Variants in SMARCA2 observed in about 807,000 individuals in gnomAD.
SMARCA2 encodes the protein SWI/SNF-related matrix-associated actin-dependent regulator of chromatin subfamily A member 2.
A neutral mutation model predicts 199.8 loss-of-function variants in SMARCA2; 61 were observed. The observed-to-expected ratio is 0.31, with a 90% confidence interval of 0.25 to 0.38. The LOEUF is 0.38. SMARCA2 is among the 10% of genes least tolerant of loss of function. SMARCA2 has a pLI of 1.00. For missense variants in SMARCA2, 1,344 were observed against 2,012.2 expected (o/e 0.67, Z 6.35); for synonymous variants, 935 against 732.0 (o/e 1.28, Z -4.48).
At position 2,081,954 on chromosome 9, in the gene SMARCA2, C is replaced by G. The variant is rs778629078; in HGVS notation, c.2307C>G (p.His769Gln). 6.2e-7 allele frequency: 1 copy of G among 1,613,874 alleles called. No individual in the cohort carries two copies. Among genetic ancestry groups the G allele is most frequent in the South Asian group, 1.1e-5 (1 of 91,048 alleles). Residue 769 changes from histidine to glutamine, a missense_variant, in exon 15 of 34, where the codon CAC becomes CAG. This residue lies in a region of SMARCA2 where 50 missense variants were observed against 81.6 expected (regional missense o/e 0.61). Coordinates refer to ENST00000349721, the MANE Select transcript of SMARCA2 (RefSeq NM_003070.5). ...TIALITYLME[H>Q]KRLNGPYLII... is the part of the protein sequence containing the mutation. Reference sequence around the variant, plus strand: ...CACTCATCACTTATCTGATGGAGCACAAAAGACTCAATGGCCCCTATCTCA... The same window carrying G: ...CACTCATCACTTATCTGATGGAGCAGAAAAGACTCAATGGCCCCTATCTCA...
intron 22 of SMARCA2, among the ~76,000 whole-genome samples, chr9:2,102,211 T>G (rs1822551709): frequency 6.6e-6 from 1 of 152,072 alleles, no homozygotes; most frequent in Admixed American, 6.6e-5. Flanking sequence ...GTAGTCATCA[T>G]TTTTGGATCC....
chr9:2,127,860 C>G (rs992879612), intron 27 of SMARCA2, among the ~76,000 whole-genome samples: 2 of 152,188 alleles, frequency 1.3e-5, no homozygotes, highest in Non-Finnish European at 2.9e-5. Flanking sequence ...AAAATTCCTA[C>G]AGTGTCCTTT....
Position 2,061,439 on chromosome 9 carries a change from T to A in SMARCA2, c.1692+453T>A, listed in dbSNP as rs373078934. Among the ~76,000 whole-genome samples, 64 of 152,340 alleles carry A rather than the reference T, an allele frequency of 4.2e-4. 2 individuals carry two copies. In the South Asian group the frequency reaches 0.013, roughly 31 times the overall value. ...TGGACAGATGGCAGTGCCAAAGCTGTTCATTCAGTTCTGCTGTCCCTGTGT... is the reference window on the plus strand; with the variant it reads ...TGGACAGATGGCAGTGCCAAAGCTGATCATTCAGTTCTGCTGTCCCTGTGT... On this transcript the variant is annotated intron_variant, in intron 9 of 33. Coordinates refer to ENST00000349721, the MANE Select transcript of SMARCA2 (RefSeq NM_003070.5).
At chr9:2,096,096 C>T (rs1405163471) in intron 19 of SMARCA2, among the ~76,000 whole-genome samples, 6 of 152,144 alleles carry the variant, frequency 3.9e-5, no homozygotes, top group Non-Finnish European at 5.9e-5. Flanking sequence ...ATTTCTCTTC[C>T]ACCTGTTCTC....
chr9:2,122,682 T>G (rs1353660306), intron 26 of SMARCA2, among the ~76,000 whole-genome samples: 2 of 152,240 alleles, frequency 1.3e-5, no homozygotes, highest in Non-Finnish European at 2.9e-5. Context: ...ATATTTCATT[T>G]ACATTTTATC....
rs751821597 is a variant in SMARCA2, at chr9:2,039,701, C to G, written c.591C>G (p.Pro197=). 2 of 1,613,964 alleles carry G rather than the reference C, an allele frequency of 1.2e-6. No individual in the cohort carries two copies. Among genetic ancestry groups the G allele is most frequent in the Non-Finnish European group, 1.7e-6 (2 of 1,180,024 alleles). ...LAYKMLARGQ[P]LPETLQLAVQ... ...ATAAAATGCTGGCCCGAGGCCAGCC[C>G]CTCCCCGAAACGCTGCAGCTTGCAG... The change falls in exon 4 of 34, where the codon CCC becomes CCG. Residue 197 remains proline, a synonymous_variant. Transcript: ENST00000349721. The surrounding 1 kb of genome is among the most constrained non-coding windows in gnomAD (Gnocchi z 4.8).
At chr9:2,088,688 T>C in intron 19 of SMARCA2, 75 bp downstream of exon 19, 2 of 1,004,142 alleles carry the variant, frequency 2.0e-6, no homozygotes, top group Admixed American at 2.3e-5. Context: ...GCCTCTGAAA[T>C]TGTGTTTCTG....
At chr9:2,136,574 G>C (rs1824206616) in intron 27 of SMARCA2, among the ~76,000 whole-genome samples, 1 of 152,106 alleles carries the variant, frequency 6.6e-6, no homozygotes, top group South Asian at 2.1e-4. Flanking sequence ...ACATCCATTT[G>C]TCAAACATTG....
At chr9:2,026,584 G>C (rs925854735) in intron 1 of SMARCA2, among the ~76,000 whole-genome samples, 2 of 152,144 alleles carry the variant, frequency 1.3e-5, no homozygotes, top group South Asian at 4.1e-4. Context: ...TATATTAAAC[G>C]TAGGAATATC....
Position 2,088,490 on chromosome 9 carries a change from T to C in SMARCA2, c.2770-10T>C. The C allele has an allele frequency of 1.3e-6, 2 of 1,567,016 alleles. No individual in the cohort carries two copies. The highest frequency in any genetic ancestry group is 8.6e-7 in the Non-Finnish European group (1 of 1,167,118). ...TAAAAAATCAAATTCATAATAAGCC[T>C]CTCTTACAGGTGGACTTAAATGAAG... On this transcript the variant is annotated splice_polypyrimidine_tract_variant and intron_variant, in intron 18 of 33. Transcript: ENST00000349721.
Position 2,016,698 on chromosome 9 carries a change from C to T in SMARCA2, c.-37+1294C>T, listed in dbSNP as rs1202822836. ...ATAGGGGGGTGGCGAGGGCGGGAGGCGGGGAGACCGGGTAGGAGCCTCCTC... is the reference window on the plus strand; with the variant it reads ...ATAGGGGGGTGGCGAGGGCGGGAGGTGGGGAGACCGGGTAGGAGCCTCCTC... On this transcript the variant is annotated intron_variant, in intron 1 of 33. Transcript: ENST00000349721. This position sits in a 1 kb window ranked among gnomAD's most constrained non-coding sequence, Gnocchi z 5.6. Among the ~76,000 whole-genome samples, 2 of 126,184 alleles carry T rather than the reference C, an allele frequency of 1.6e-5. No homozygotes were observed. The highest frequency in any genetic ancestry group is 1.7e-4 in the Admixed American group (2 of 12,072). 82.8% of individuals were successfully genotyped at this position (126,184 alleles called of 152,430 possible). A position where few individuals can be genotyped will look rare whatever the true frequency, so the allele number is the denominator to read the frequency against.
rs770243967 is a variant in SMARCA2 at position 2,047,399 on chromosome 9, C to G, written c.961C>G (p.Leu321Val). The G allele has an allele frequency of 3.1e-6, 5 of 1,589,838 alleles. No individual in the cohort carries two copies. The highest frequency in any genetic ancestry group is 4.3e-6 in the Non-Finnish European group (5 of 1,169,174). Residue 321 changes from leucine to valine, a missense_variant, in exon 5 of 34, where the codon CTG becomes GTG. Physicochemically the swap from Leu to Val is conservative, Grantham distance 32 (BLOSUM62 1). Around this residue, in one of 18 missense-constraint regions of SMARCA2, gnomAD observed 155 missense variants for 260.0 expected, o/e 0.60. Coordinates refer to ENST00000349721, the MANE Select transcript of SMARCA2 (RefSeq NM_003070.5). Reference sequence around the variant, plus strand: ...GGGGCAGCCCTCGCCCGTCCTCCAGCTGCAGCAGAAGCAGAGCCGCATCAG... The same window carrying G: ...GGGGCAGCCCTCGCCCGTCCTCCAGGTGCAGCAGAAGCAGAGCCGCATCAG... ...APGQPSPVLQ[L>V]QQKQSRISPI...
In SMARCA2 at chr9:2,101,524, T is replaced by C. The variant is rs750904930; in HGVS notation, c.3079-46T>C. ...ACTAAAAGAGTAATCATTAAGTTAA[T>C]AATTACATTTTTTAAAATCATTCTT... On this transcript the variant is annotated intron_variant, in intron 21 of 33. Transcript: ENST00000349721. 2.8e-4 allele frequency: 287 copies of C among 1,012,982 alleles called. 6 individuals carry two copies. In the East Asian group the frequency reaches 7.3e-3, roughly 26 times the overall value. 62.7% of individuals were successfully genotyped at this position (1,012,982 alleles called of 1,614,324 possible).
At position 2,101,687 on chromosome 9, in the gene SMARCA2, G is replaced by A. The variant is rs898889171; in HGVS notation, c.3125+71G>A. ...CTTACATAAACTCCTCCTCTCTACAGTGTTTCCTCTTGTGCAAATACTTAC... is the reference window on the plus strand; with the variant it reads ...CTTACATAAACTCCTCCTCTCTACAATGTTTCCTCTTGTGCAAATACTTAC... On this transcript the variant is annotated intron_variant, in intron 22 of 33. Transcript: ENST00000349721. The A allele has an allele frequency of 1.0e-5, 8 of 769,946 alleles. No individual in the cohort carries two copies. In the East Asian group the frequency reaches 1.6e-4, roughly 15 times the overall value. 47.7% of individuals were successfully genotyped at this position (769,946 alleles called of 1,614,324 possible).
intron 27 of SMARCA2, among the ~76,000 whole-genome samples, chr9:2,149,362 T>TA (rs1203332432): frequency 1.8e-4 from 27 of 150,258 alleles, no homozygotes; most frequent in African/African-American, 4.6e-4. Flanking sequence ...TACAAAAATA[T>TA]AAAAAAAATT....
At chr9:2,167,452 TC>T (rs1825990164) in intron 28 of SMARCA2, among the ~76,000 whole-genome samples, 1 of 152,220 alleles carries the variant, frequency 6.6e-6, no homozygotes, top group Non-Finnish European at 1.5e-5. Flanking sequence ...GGTTTGGACA[TC>T]AGGTCTAGCC....
intron 27 of SMARCA2, among the ~76,000 whole-genome samples, chr9:2,140,243 T>C (rs963015471): frequency 3.9e-5 from 6 of 152,218 alleles, no homozygotes; most frequent in Admixed American, 2.6e-4. Flanking sequence ...AATTTGTTCA[T>C]TGAAATATAT....
rs1821761343 is a variant in SMARCA2 at position 2,085,467 on chromosome 9, C to T, written c.2526+1271C>T. Among the ~76,000 whole-genome samples the T allele has an allele frequency of 2.0e-5, 3 of 152,100 alleles. No homozygotes were observed. The South Asian group carries it at 6.2e-4, about 32-fold the overall frequency. On this transcript the variant is annotated intron_variant, in intron 17 of 33. Transcript: ENST00000349721. ...ATAGCAAAATCAAAGGCCTCTGATT[C>T]TTTATTATTTCATAAGCTAAATTAG... is the stretch of plus-strand genomic sequence containing the variant.
chr9:2,051,812 C>G (rs567719702), intron 5 of SMARCA2, among the ~76,000 whole-genome samples: 1 of 151,658 alleles, frequency 6.6e-6, no homozygotes, highest in Non-Finnish European at 1.5e-5. Context: ...GTAAAGTTGT[C>G]TCAGTTTTAT....
Sources: gnomAD v4.1 joint callset for allele counts (sites outside exome capture counted in the v4.1 genomes callset) on GRCh38, gnomAD v4.1.1 for gene constraint, gnomAD v4.1.1 regional missense constraint, Gnocchi (gnomAD v3.1) non-coding constraint, MANE v1.5 for transcripts, NCBI Gene and HGNC (gene_info 2026-07-23, HGNC 2026-07-21) for gene names.